LDLRAD4: variants seen among roughly 807,000 people sequenced by gnomAD.
The protein encoded by LDLRAD4 is low-density lipoprotein receptor class A domain-containing protein 4.
In LDLRAD4, 5 loss-of-function variants were observed where a neutral mutation model predicts 17.0. The ratio of observed to expected loss-of-function variants is 0.29; its 90% CI spans 0.15 to 0.62. The LOEUF is 0.62. Ranked by LOEUF, LDLRAD4 falls within the 20% of genes least tolerant of loss-of-function variation. The probability of loss-of-function intolerance (pLI) is 0.84; values close to 1 mark genes in which losing one functional copy is unlikely to be tolerated. For missense variants in LDLRAD4, 340 were observed against 424.7 expected, an observed-to-expected ratio of 0.80 and a Z score of 1.75; for synonymous variants, 168 against 171.8, an observed-to-expected ratio of 0.98 and a Z score of 0.17.
At chr18:13,528,221 A>G (rs1199090080) in intron 3 of LDLRAD4, among the ~76,000 whole-genome samples, 2 of 152,230 alleles carry the variant, frequency 1.3e-5, no homozygotes, top group African/African-American at 4.8e-5. Flanking sequence ...CTCCTAGCCC[A>G]CATCTGCCAG....
intron 2 of LDLRAD4, among the ~76,000 whole-genome samples, chr18:13,413,654 A>G (rs1469519857): frequency 1.3e-5 from 2 of 152,248 alleles, no homozygotes; most frequent in African/African-American, 4.8e-5. Context: ...TCAATCATTC[A>G]GTCAACTGTC....
At chr18:13,305,010 A>G (rs2046827128) in intron 1 of LDLRAD4, among the ~76,000 whole-genome samples, 1 of 152,150 alleles carries the variant, frequency 6.6e-6, no homozygotes, top group African/African-American at 2.4e-5. Context: ...ACTTGTATAC[A>G]GATTTTTTTC....
At chr18:13,307,168 G>A (rs950331296) in intron 1 of LDLRAD4, among the ~76,000 whole-genome samples, 7 of 152,106 alleles carry the variant, frequency 4.6e-5, no homozygotes, top group African/African-American at 1.7e-4. Flanking sequence ...AAGCAAAAAA[G>A]GCAGATGGAA....
chr18:13,484,817 G>A (rs1358829208), intron 3 of LDLRAD4, among the ~76,000 whole-genome samples: 1 of 152,136 alleles, frequency 6.6e-6, no homozygotes, highest in Non-Finnish European at 1.5e-5. Context: ...AATCGATTTG[G>A]ATATTTGGGG....
intron 3 of LDLRAD4, among the ~76,000 whole-genome samples, chr18:13,478,391 G>C (rs1432336081): frequency 6.6e-6 from 1 of 152,208 alleles, no homozygotes; most frequent in African/African-American, 2.4e-5. Context: ...AATCCATTCT[G>C]AACATCAACT....
At chr18:13,225,062 C>T (rs1245734972) in intron 1 of LDLRAD4, among the ~76,000 whole-genome samples, 1 of 151,296 alleles carries the variant, frequency 6.6e-6, no homozygotes, top group Non-Finnish European at 1.5e-5. Flanking sequence ...TTTCTCACTC[C>T]TCACCTCAAG....
chr18:13,218,046 G>C (rs1334774239), upstream of LDLRAD4: 2 of 151,644 alleles, frequency 1.3e-5, no homozygotes, highest in Non-Finnish European at 2.9e-5. Context: ...GGTGGCCGCG[G>C]AGCCGCACTG....
chr18:13,294,356 G>A (rs990178251), intron 1 of LDLRAD4, among the ~76,000 whole-genome samples: 1 of 152,254 alleles, frequency 6.6e-6, no homozygotes, highest in Non-Finnish European at 1.5e-5. Flanking sequence ...CGTTGACCAA[G>A]ATAACGGCCC....
intron 1 of LDLRAD4, among the ~76,000 whole-genome samples, chr18:13,386,738 G>A (rs2085837278): frequency 6.6e-6 from 1 of 152,146 alleles, no homozygotes; most frequent in African/African-American, 2.4e-5. Context: ...GTTAATGTGG[G>A]CATTTGTTTT....
intron 1 of LDLRAD4, among the ~76,000 whole-genome samples, chr18:13,370,713 GTT>G (rs781268070): frequency 5.0e-3 from 86 of 17,240 alleles, no homozygotes; most frequent in South Asian, 0.011. Flanking sequence ...TTTTTGTTTT[GTT>G]TTTTTTTTTT....
At chr18:13,444,184 A>G (rs1046763086) in intron 3 of LDLRAD4, among the ~76,000 whole-genome samples, 2 of 152,164 alleles carry the variant, frequency 1.3e-5, no homozygotes, top group African/African-American at 4.8e-5. Flanking sequence ...TCTGTGTGTT[A>G]TGATGAACTG....
chr18:13,535,300 T>A (rs2147874734), intron 3 of LDLRAD4, among the ~76,000 whole-genome samples: 1 of 152,254 alleles, frequency 6.6e-6, no homozygotes, highest in South Asian at 2.1e-4. Context: ...TGAATGGGGG[T>A]TCTGATTGAG....
chr18:13,376,940 TA>T (rs1415506835), intron 1 of LDLRAD4, among the ~76,000 whole-genome samples: 2 of 152,232 alleles, frequency 1.3e-5, no homozygotes, highest in Admixed American at 1.3e-4. Context: ...CCCCATTAGT[TA>T]GAGACCAGGC....
At chr18:13,643,324 G>T (rs2148992889) in intron 4 of LDLRAD4, 35 bp from the exon 6 acceptor site, 2 of 1,398,698 alleles carry the variant, frequency 1.4e-6, no homozygotes, top group Non-Finnish European at 1.9e-6. Context: ...TCTGTTTCTT[G>T]TTCCCCCCAC....
chr18:13,644,993 CT>C (rs11357998), intron 5 of LDLRAD4, 133 bp from the exon 7 acceptor site: 433,990 of 596,754 alleles, frequency 0.73, 148,428 homozygotes, highest in African/African-American at 0.87. Context: ...TTCCTGTTTT[CT>C]TTTTTTTTTT....
chr18:13,342,701 A>G (rs769111922), intron 1 of LDLRAD4, among the ~76,000 whole-genome samples: 1 of 151,390 alleles, frequency 6.6e-6, no homozygotes, highest in African/African-American at 2.4e-5. Context: ...AGTATTTTCC[A>G]TACTTTCACT....
At chr18:13,534,166 G>A (rs953068176) in intron 3 of LDLRAD4, among the ~76,000 whole-genome samples, 1 of 152,198 alleles carries the variant, frequency 6.6e-6, no homozygotes, top group Non-Finnish European at 1.5e-5. Context: ...GTTCAAGGCA[G>A]TGCCTATCTG....
chr18:13,592,948 A>G (rs1336782493), intron 3 of LDLRAD4, among the ~76,000 whole-genome samples: 1 of 152,254 alleles, frequency 6.6e-6, no homozygotes, highest in East Asian at 1.9e-4. Flanking sequence ...ATGAGGTTCT[A>G]GAAAGTGTAT....
chr18:13,517,517 G>A (rs190994543), intron 3 of LDLRAD4, among the ~76,000 whole-genome samples: 195 of 152,284 alleles, frequency 1.3e-3, no homozygotes, highest in African/African-American at 4.6e-3. Flanking sequence ...GTCTCTGGTG[G>A]CCATCTGTAA....
Sources: allele counts gnomAD v4.1 joint callset (sites outside exome capture counted in the v4.1 genomes callset), GRCh38; gene constraint gnomAD v4.1.1; transcripts MANE v1.5; gene names NCBI Gene and HGNC (gene_info 2026-07-23, HGNC 2026-07-21).